ODC1: variants seen among roughly 807,000 people sequenced by gnomAD.
The protein encoded by ODC1 is ornithine decarboxylase.
A neutral mutation model predicts 41.5 loss-of-function variants in ODC1; 18 were observed. That is an observed-to-expected ratio of 0.43 (90% CI 0.30 to 0.64). The LOEUF is 0.64. Among genes scored for constraint, ODC1 ranks in the 30% least tolerant of loss-of-function variants. The pLI, the probability that ODC1 is intolerant of heterozygous loss-of-function variation, is 0.11. For missense variants in ODC1, 504 were observed against 589.0 expected (o/e 0.86, Z 1.49); for synonymous variants, 218 against 211.6 (o/e 1.03, Z -0.26).
chr2:10,443,877 G>A (rs1558550764), intron 5 of ODC1, 41 bp from the exon 6 acceptor site: 1 of 1,608,122 alleles, frequency 6.2e-7, no homozygotes, highest in Non-Finnish European at 8.5e-7. Flanking sequence ...CATGATAGAT[G>A]TTCACTTATA....
At chr2:10,443,080 ATGTC>A (rs1671884650) in intron 8 of ODC1, 146 bp downstream of exon 8, 1 of 661,204 alleles carries the variant, frequency 1.5e-6, no homozygotes, top group Admixed American at 3.0e-5. Context: ...ATCAAGTGTA[ATGTC>A]AGACAGCACA....
intron 3 of ODC1, 21 bp from the exon 4 acceptor site, chr2:10,444,668 G>A (rs755273673): frequency 2.5e-6 from 4 of 1,602,622 alleles, no homozygotes; most frequent in Non-Finnish European, 3.4e-6. Flanking sequence ...AGTGGTCACA[G>A]GTGACTCACT....
chr2:10,442,180 AGAGT>A lies in ODC1; in HGVS notation c.751-10_751-7del. 6.3e-7 allele frequency: 1 copy of A among 1,586,660 alleles called. No homozygotes were observed. The highest frequency in any genetic ancestry group is 8.6e-7 in the Non-Finnish European group (1 of 1,167,742). ...GGGTTGATTACGCCGGTGATCTAAG[AGAGT>A]GAAACAGAAAAGAAAGAGCAGCCTT... On this transcript the variant is annotated splice_region_variant and splice_polypyrimidine_tract_variant and intron_variant, in intron 8 of 11. Transcript: ENST00000234111.
intron 1 of ODC1, among the ~76,000 whole-genome samples, chr2:10,446,132 A>ATTT (rs924969719): frequency 0.019 from 2,528 of 134,564 alleles, 77 homozygotes; most frequent in African/African-American, 0.062. Flanking sequence ...AGAATTCAGT[A>ATTT]TTTTTTTTTT....
chr2:10,442,178 A>T lies in ODC1; in HGVS notation c.751-4T>A. On this transcript the variant is annotated splice_polypyrimidine_tract_variant and splice_region_variant and intron_variant, in intron 8 of 11. Transcript: ENST00000234111. The stretch of plus-strand genomic sequence containing the variant: ...CTGGGTTGATTACGCCGGTGATCTA[A>T]GAGAGTGAAACAGAAAAGAAAGAGC... 6.3e-7 allele frequency: 1 copy of T among 1,592,220 alleles called. No homozygotes were observed.
intron 1 of ODC1, among the ~76,000 whole-genome samples, chr2:10,445,595 A>C (rs1405394931): frequency 6.6e-6 from 1 of 152,268 alleles, no homozygotes; most frequent in Non-Finnish European, 1.5e-5. Flanking sequence ...GATTTATTTC[A>C]GAGCAGTTTC....
At chr2:10,444,863 C>T in intron 3 of ODC1, 68 bp downstream of exon 3, 4 of 1,179,742 alleles carry the variant, frequency 3.4e-6, no homozygotes, top group Non-Finnish European at 3.8e-6. Flanking sequence ...CTTCCTTAGA[C>T]CTTGCCAAAG....
rs28362384 is a variant in ODC1 at position 10,445,748 on chromosome 2, G to A, written c.-127-484C>T. Among the ~76,000 whole-genome samples the A allele has an allele frequency of 5.6e-3, 854 of 152,194 alleles. 6 individuals carry two copies. Among genetic ancestry groups the A allele is most frequent in the African/African-American group, 0.02 (820 of 41,518 alleles). On this transcript the variant is annotated intron_variant, in intron 1 of 11. Transcript: ENST00000234111. ...CCTCCCGGGTTCAAGCGATTCTCCT[G>A]CCTCAGCCTCCCCAGCAGCTGGGAT...
chr2:10,443,987 CT>C, intron 5 of ODC1, 107 bp downstream of exon 5: 1 of 1,460,220 alleles, frequency 6.8e-7, no homozygotes, highest in Non-Finnish European at 9.3e-7. Flanking sequence ...GTTTCAACTA[CT>C]TTCTACTAAA....
At chr2:10,444,338 A>G (rs1212148088) in intron 4 of ODC1, 71 bp from the exon 5 acceptor site, 1 of 1,517,942 alleles carries the variant, frequency 6.6e-7, no homozygotes, top group East Asian at 2.3e-5. Context: ...AAAGCATGGG[A>G]AGTTGTCATG....
chr2:10,442,829 G>A (rs1019701316), intron 8 of ODC1, among the ~76,000 whole-genome samples: 3 of 151,986 alleles, frequency 2.0e-5, no homozygotes, highest in Non-Finnish European at 2.9e-5. Context: ...TCCCACCTCA[G>A]CCTTCCAAGT....
At chr2:10,446,424 G>A (rs1672016663) in intron 1 of ODC1, among the ~76,000 whole-genome samples, 1 of 152,234 alleles carries the variant, frequency 6.6e-6, no homozygotes, top group Non-Finnish European at 1.5e-5. Context: ...ACAGGCGTGA[G>A]CCACCACGCC....
In ODC1 at chr2:10,441,898, C is replaced by T. The variant is rs1224868205; in HGVS notation, c.945G>A (p.Met315Ile). 2 of 1,614,128 alleles carry T rather than the reference C, an allele frequency of 1.2e-6. No homozygotes were observed. Among genetic ancestry groups the T allele is most frequent in the Non-Finnish European group, 1.7e-6 (2 of 1,180,022 alleles). The change falls in exon 10 of 12, where the codon ATG becomes ATA. Residue 315 changes from methionine to isoleucine, a missense_variant. Met to Ile is a conservative substitution (Grantham distance 10). Transcript: ENST00000234111. The stretch of plus-strand genomic sequence containing the variant: ...CATAGACGCCATCATTCACATAATA[C>T]ATAAAGGTCTGCTCACTCGACTCAT... ...DEDESSEQTF[M>I]YYVNDGVYGS...
chr2:10,443,509 C>G lies in ODC1; in HGVS notation c.647G>C (p.Arg216Pro), dbSNP rs777348378. 6.2e-7 allele frequency: 1 copy of G among 1,613,916 alleles called. No homozygotes were observed. The highest frequency in any genetic ancestry group is 8.5e-7 in the Non-Finnish European group (1 of 1,179,854). ...ACTCACCCCCATGTCAAAAACACAG[C>G]GGGCATCAGAGATTGCCTGCACGAA... is the stretch of plus-strand genomic sequence containing the variant. The part of the protein sequence containing the change: ...ETFVQAISDA[R>P]CVFDMGAEVG... Residue 216 changes from arginine to proline, a missense_variant, in exon 7 of 12, where the codon CGC becomes CCC. Physicochemically the swap from Arg to Pro is moderately radical, Grantham distance 103. Coordinates refer to ENST00000234111, the MANE Select transcript of ODC1 (RefSeq NM_002539.3).
Position 10,443,471 on chromosome 2 carries a change from C to T in ODC1, c.666+19G>A. The T allele has an allele frequency of 6.2e-7, 1 of 1,609,596 alleles. No individual in the cohort carries two copies. On this transcript the variant is annotated intron_variant, in intron 7 of 11. Coordinates refer to ENST00000234111, the MANE Select transcript of ODC1 (RefSeq NM_002539.3). ...TCAGTTGTGTCCCGCCCTTCCCTAA[C>T]AGGGTCACGTATACTCACCCCCATG...
At chr2:10,441,791 T>C in intron 10 of ODC1, 26 bp downstream of exon 10, 1 of 1,612,754 alleles carries the variant, frequency 6.2e-7, no homozygotes, top group Non-Finnish European at 8.5e-7. Flanking sequence ...CTCTTAATTG[T>C]TTTATACAGT....
chr2:10,440,633 C>T lies in ODC1; in HGVS notation c.*91G>A. 1 of 1,375,800 alleles carries T rather than the reference C, an allele frequency of 7.3e-7. No individual in the cohort carries two copies. The highest frequency in any genetic ancestry group is 1.0e-6 in the Non-Finnish European group (1 of 995,352). The allele number at this position is 1,375,800 out of a possible 1,614,324, so 85.2% of individuals were successfully genotyped here. ...CATGGCGACCCTACTCTTACAAAGA[C>T]ATTTCAAAACTAGCAGTAATTAAGT... On this transcript the variant is annotated 3_prime_UTR_variant, in exon 12 of 12. Coordinates refer to ENST00000234111, the MANE Select transcript of ODC1 (RefSeq NM_002539.3).
Position 10,445,282 on chromosome 2 carries a change from G to C in ODC1, c.-127-18C>G, listed in dbSNP as rs1671974127. On this transcript the variant is annotated intron_variant, in intron 1 of 11. Coordinates refer to ENST00000234111, the MANE Select transcript of ODC1 (RefSeq NM_002539.3). ...GTGACAATCTGAGAAATAAAATAGGGAATTTGCTGTCTACCTTAGGAACAC... is the reference window on the plus strand; with the variant it reads ...GTGACAATCTGAGAAATAAAATAGGCAATTTGCTGTCTACCTTAGGAACAC... The C allele has an allele frequency of 7.3e-6, 3 of 411,634 alleles. No individual in the cohort carries two copies. The highest frequency in any genetic ancestry group is 7.8e-5 in the Admixed American group (2 of 25,672). The allele number at this position is 411,634 out of a possible 1,614,324, so 25.5% of individuals were successfully genotyped here. A position where few individuals can be genotyped will look rare whatever the true frequency, so the allele number is the denominator to read the frequency against.
At position 10,443,546 on chromosome 2, in the gene ODC1, C is replaced by A. The variant is rs765352140; in HGVS notation, c.610G>T (p.Asp204Tyr). Residue 204 changes from aspartate (D) to tyrosine (Y), a missense_variant, in exon 7 of 12, where the codon GAT becomes TAT. Around this residue, in one of 3 missense-constraint regions of ODC1, gnomAD observed 447 missense variants for 524.4 expected, o/e 0.85. Coordinates refer to ENST00000234111, the MANE Select transcript of ODC1 (RefSeq NM_002539.3). ...ATTGCCTGCACGAAGGTCTCAGGAT[C>A]GGTACAGCCGCTTCCTACATGGAAG... ...VSFHVGSGCT[D>Y]PETFVQAISD... The A allele has an allele frequency of 6.2e-7, 1 of 1,613,830 alleles. No homozygotes were observed. The highest frequency in any genetic ancestry group is 1.1e-5 in the South Asian group (1 of 91,074).
Sources: allele counts gnomAD v4.1 joint callset (sites outside exome capture counted in the v4.1 genomes callset), GRCh38; gene constraint gnomAD v4.1.1; regional missense constraint gnomAD v4.1.1; transcripts MANE v1.5; gene names NCBI Gene and HGNC (gene_info 2026-07-23, HGNC 2026-07-21).